BTBD9: variants seen among roughly 807,000 people sequenced by gnomAD.
The protein encoded by BTBD9 is BTB/POZ domain-containing protein 9.
Under a neutral mutation model 64.3 loss-of-function variants are expected in BTBD9, and 49 were observed. That is an observed-to-expected ratio of 0.76 (90% confidence interval 0.61 to 0.97). BTBD9 has a LOEUF of 0.97. Among genes scored for constraint, BTBD9 ranks in the 50% least tolerant of loss-of-function variants. BTBD9 has a pLI of 0.00. For missense variants in BTBD9, 598 were observed against 762.1 expected, an observed-to-expected ratio of 0.78 and a Z score of 2.53; for synonymous variants, 260 against 274.7, an observed-to-expected ratio of 0.95 and a Z score of 0.53.
chr6:38,361,839 T>A (rs1764974852), intron 6 of BTBD9, among the ~76,000 whole-genome samples: 1 of 143,980 alleles, frequency 6.9e-6, no homozygotes, highest in Admixed American at 7.0e-5. Context: ...AAACTCTGTC[T>A]CAAAGAAAAA....
At chr6:38,335,955 A>G (rs1393503596) in intron 7 of BTBD9, among the ~76,000 whole-genome samples, 4 of 152,026 alleles carry the variant, frequency 2.6e-5, no homozygotes, top group Non-Finnish European at 5.9e-5. Flanking sequence ...GGCTGGTCTC[A>G]AACTACTGAC....
chr6:38,506,086 G>T (rs1772496627), intron 6 of BTBD9, among the ~76,000 whole-genome samples: 1 of 151,204 alleles, frequency 6.6e-6, no homozygotes, highest in Non-Finnish European at 1.5e-5. Flanking sequence ...CATCTATGCT[G>T]ACTCTAAAAC....
rs994481367 is a variant in BTBD9, at chr6:38,207,028, C to T, written c.1563-14431G>A. ...GCACATACCCCTAGAGCCAGCAATT[C>T]CCTTATACTACTTTAATTTATGATG... On this transcript the variant is annotated intron_variant, in intron 9 of 10. Coordinates refer to ENST00000481247, the MANE Select transcript of BTBD9 (RefSeq NM_001099272.2). Among the ~76,000 whole-genome samples, 5 of 152,170 alleles carry T rather than the reference C, an allele frequency of 3.3e-5. No individual in the cohort carries two copies. The East Asian group carries it at 9.6e-4, about 29-fold the overall frequency.
At chr6:38,531,454 A>G (rs376760981) in intron 6 of BTBD9, among the ~76,000 whole-genome samples, 2 of 152,346 alleles carry the variant, frequency 1.3e-5, no homozygotes, top group East Asian at 3.9e-4. Flanking sequence ...GAAGTTCTTC[A>G]ATCTGAAAGA....
intron 6 of BTBD9, among the ~76,000 whole-genome samples, chr6:38,420,795 T>A (rs919204734): frequency 1.3e-5 from 2 of 152,066 alleles, no homozygotes; most frequent in African/African-American, 4.8e-5. Flanking sequence ...GGCAGAGGTT[T>A]CAGTGAGCTG....
chr6:38,300,569 CT>C (rs370471288), intron 7 of BTBD9, among the ~76,000 whole-genome samples: 9,422 of 152,052 alleles, frequency 0.062, 808 homozygotes, highest in East Asian at 0.39. Flanking sequence ...TGAAGAGGTC[CT>C]TCACATCCCT....
chr6:38,390,986 C>G (rs148709982), intron 6 of BTBD9, among the ~76,000 whole-genome samples: 21 of 152,326 alleles, frequency 1.4e-4, no homozygotes, highest in African/African-American at 5.1e-4. Context: ...CTAATTTACT[C>G]TATCATTCCT....
chr6:38,465,109 T>C (rs1261234489), intron 6 of BTBD9, among the ~76,000 whole-genome samples: 1 of 151,688 alleles, frequency 6.6e-6, no homozygotes, highest in Non-Finnish European at 1.5e-5. Context: ...CTAGGCAACA[T>C]AGTGAGACCT....
At chr6:38,354,146 G>T (rs1289101270) in intron 6 of BTBD9, among the ~76,000 whole-genome samples, 1 of 152,122 alleles carries the variant, frequency 6.6e-6, no homozygotes, top group Non-Finnish European at 1.5e-5. Flanking sequence ...AACAGGAATT[G>T]CCCAAGATGG....
intron 9 of BTBD9, among the ~76,000 whole-genome samples, chr6:38,222,235 A>C (rs1263077177): frequency 1.4e-5 from 2 of 143,854 alleles, no homozygotes; most frequent in Non-Finnish European, 3.0e-5. Flanking sequence ...GGACTAAATT[A>C]GCCTTAATAA....
chr6:38,179,967 G>T, intron 10 of BTBD9: 1 of 396,896 alleles, frequency 2.5e-6, no homozygotes, highest in Non-Finnish European at 5.1e-6. Context: ...CCTCACTCCT[G>T]GCAGCCTGTC....
At chr6:38,434,499 T>C (rs937655496) in intron 6 of BTBD9, among the ~76,000 whole-genome samples, 4 of 151,938 alleles carry the variant, frequency 2.6e-5, no homozygotes, top group African/African-American at 9.7e-5. Flanking sequence ...CCATTGTATT[T>C]CTTAAATGTA....
At chr6:38,365,845 A>C (rs1765166466) in intron 6 of BTBD9, among the ~76,000 whole-genome samples, 1 of 152,186 alleles carries the variant, frequency 6.6e-6, no homozygotes, top group Non-Finnish European at 1.5e-5. Flanking sequence ...GTCCACAATA[A>C]ATAATTTGAA....
At chr6:38,619,739 T>C (rs774514167) in intron 1 of BTBD9, among the ~76,000 whole-genome samples, 1 of 152,210 alleles carries the variant, frequency 6.6e-6, no homozygotes, top group Non-Finnish European at 1.5e-5. Flanking sequence ...CTGCCCTGGA[T>C]GGCTGTCCCC....
At chr6:38,358,627 A>G (rs1764823983) in intron 6 of BTBD9, among the ~76,000 whole-genome samples, 1 of 152,190 alleles carries the variant, frequency 6.6e-6, no homozygotes, top group Admixed American at 6.5e-5. Flanking sequence ...AGCTTTCAAC[A>G]AGGGTCCATT....
intron 6 of BTBD9, among the ~76,000 whole-genome samples, chr6:38,374,346 A>G (rs4711541): frequency 0.33 from 34,459 of 104,092 alleles, 8,300 homozygotes; most frequent in East Asian, 0.85. Flanking sequence ...ATCTGTACTC[A>G]AACTATATAA....
chr6:38,204,556 G>A (rs918797148), intron 9 of BTBD9, among the ~76,000 whole-genome samples: 3 of 152,158 alleles, frequency 2.0e-5, no homozygotes, highest in African/African-American at 7.2e-5. Context: ...TAACTGGGGG[G>A]ATTGGGAGGT....
At chr6:38,422,769 T>C (rs866945107) in intron 6 of BTBD9, among the ~76,000 whole-genome samples, 14 of 152,208 alleles carry the variant, frequency 9.2e-5, no homozygotes, top group African/African-American at 2.2e-4. Context: ...CTGGTATATT[T>C]TGACGTTCTT....
intron 4 of BTBD9, among the ~76,000 whole-genome samples, chr6:38,586,370 A>G (rs377268124): frequency 1.3e-5 from 2 of 152,180 alleles, no homozygotes; most frequent in African/African-American, 4.8e-5. Context: ...CCTTCCAGAA[A>G]GACCATCACA....
Sources: gnomAD v4.1 joint callset for allele counts (sites outside exome capture counted in the v4.1 genomes callset) on GRCh38, gnomAD v4.1.1 for gene constraint, MANE v1.5 for transcripts, NCBI Gene and HGNC (gene_info 2026-07-23, HGNC 2026-07-21) for gene names.